IQCH: variants seen among roughly 807,000 people sequenced by gnomAD.
The protein encoded by IQCH is IQ motif containing H, also known as IQ domain-containing protein H.
A neutral mutation model predicts 117.0 loss-of-function variants in IQCH; 98 were observed. That is an observed-to-expected ratio of 0.84 (90% CI 0.71 to 0.99). The LOEUF is 0.99. Among genes scored for constraint, IQCH ranks in the 50% least tolerant of loss-of-function variants. IQCH has a pLI of 0.00. For missense variants in IQCH, 1,102 were observed against 1,243.8 expected (o/e 0.89, Z 1.72); for synonymous variants, 412 against 448.2 (o/e 0.92, Z 1.02).
chr15:67,404,321 CAT>C lies in IQCH; in HGVS notation c.2097+4018_2097+4019del, dbSNP rs983926732. 7.9e-5 allele frequency: 12 copies of C among 152,164 alleles called. No homozygotes were observed. Among genetic ancestry groups the C allele is most frequent in the African/African-American group, 2.9e-4 (12 of 41,450 alleles). The allele number at this position is 152,164 out of a possible 1,614,324, so 9.4% of individuals were successfully genotyped here. On this transcript the variant is annotated intron_variant, in intron 14 of 20. Coordinates refer to ENST00000335894, the MANE Select transcript of IQCH (RefSeq NM_001031715.3). The surrounding 1 kb of genome is among the most constrained non-coding windows in gnomAD (Gnocchi z 4.6). Reference sequence around the variant, plus strand: ...AAGAGAATCATTAACCATTTCATGCCATAGAGCTCCCTGCATCTCCACCTCCA... The same window carrying C: ...AAGAGAATCATTAACCATTTCATGCCAGAGCTCCCTGCATCTCCACCTCCA...
At position 67,288,173 on chromosome 15, in the gene IQCH, T is replaced by C. The variant is rs1966632311; in HGVS notation, c.387+8661T>C. Among the ~76,000 whole-genome samples, 4 of 152,100 alleles carry C rather than the reference T, an allele frequency of 2.6e-5. No individual in the cohort carries two copies. In the South Asian group the frequency reaches 8.3e-4, roughly 31 times the overall value. ...CTTTTTTGACCTAACATTTGGTCTG[T>C]CCTTGAGAATGATCCATGTGCTGAT... On this transcript the variant is annotated intron_variant, in intron 4 of 20. Transcript: ENST00000335894.
chr15:67,254,941 A>G lies in IQCH; in HGVS notation c.45A>G (p.Leu15=). 6.2e-7 allele frequency: 1 copy of G among 1,613,530 alleles called. No homozygotes were observed. Among genetic ancestry groups the G allele is most frequent in the Non-Finnish European group, 8.5e-7 (1 of 1,179,676 alleles). ...TENHDPVGSI[L]IQIHEDLYQL... is the part of the protein sequence containing the mutation. ...ACCACGACCCTGTCGGATCCATCTTAATCCAGGTGGGAAACGGGCTTCCCC... is the reference window on the plus strand; with the variant it reads ...ACCACGACCCTGTCGGATCCATCTTGATCCAGGTGGGAAACGGGCTTCCCC... Residue 15 remains leucine, a synonymous_variant, in exon 1 of 21, where the codon TTA becomes TTG. Transcript: ENST00000335894.
rs979035188 is a variant in IQCH at position 67,403,833 on chromosome 15, T to G, written c.2097+3528T>G. On this transcript the variant is annotated intron_variant, in intron 14 of 20. Coordinates refer to ENST00000335894, the MANE Select transcript of IQCH (RefSeq NM_001031715.3). The surrounding 1 kb of genome is among the most constrained non-coding windows in gnomAD (Gnocchi z 4.8). The stretch of plus-strand genomic sequence containing the variant: ...TTCCTTTCCTCAATTCCTGGGACAT[T>G]GGCTTAGTGGCAGTGATGCTACTGG... The G allele has an allele frequency of 2.6e-5, 4 of 152,236 alleles. No homozygotes were observed. The highest frequency in any genetic ancestry group is 9.7e-5 in the African/African-American group (4 of 41,444). The allele number at this position is 152,236 out of a possible 1,614,324, so 9.4% of individuals were successfully genotyped here. A position where few individuals can be genotyped will look rare whatever the true frequency, so the allele number is the denominator to read the frequency against.
At position 67,405,006 on chromosome 15, in the gene IQCH, TACC is replaced by T. The variant is rs1234018723; in HGVS notation, c.2097+4706_2097+4708del. Reference sequence around the variant, plus strand: ...AAGAATACTAGTTTTACCACAACCTTACCACCAATGGATATTATGAACTATTTG... The same window carrying T: ...AAGAATACTAGTTTTACCACAACCTTACCAATGGATATTATGAACTATTTG... On this transcript the variant is annotated intron_variant, in intron 14 of 20. Transcript: ENST00000335894. This position sits in a 1 kb window ranked among gnomAD's most constrained non-coding sequence, Gnocchi z 4.8. The T allele has an allele frequency of 2.6e-5, 4 of 152,238 alleles. No homozygotes were observed. Among genetic ancestry groups the T allele is most frequent in the Non-Finnish European group, 4.4e-5 (3 of 68,036 alleles). 9.4% of individuals were successfully genotyped at this position (152,238 alleles called of 1,614,324 possible).
intron 16 of IQCH, among the ~76,000 whole-genome samples, chr15:67,423,337 A>G (rs1206429493): frequency 6.6e-6 from 1 of 152,080 alleles, no homozygotes; most frequent in Non-Finnish European, 1.5e-5. Context: ...AGGCCGAAGC[A>G]GGCAGATCAC....
chr15:67,268,810 T>C (rs189932572), intron 3 of IQCH, among the ~76,000 whole-genome samples: 2 of 152,234 alleles, frequency 1.3e-5, no homozygotes, highest in East Asian at 3.9e-4. Flanking sequence ...GGAGAAAGCA[T>C]GCATAACAAG....
chr15:67,500,731 TA>T lies in IQCH; in HGVS notation c.3072del (p.Lys1024AsnfsTer28). On this transcript the variant is annotated frameshift_variant, in exon 21 of 21. Coordinates refer to ENST00000335894, the MANE Select transcript of IQCH (RefSeq NM_001031715.3). LOFTEE classifies it high-confidence loss of function. The surrounding 1 kb of genome is among the most constrained non-coding windows in gnomAD (Gnocchi z 4.4). ...AGTCCAAAGATGATAAAAACCTCTC[TA>T]AACCCAAGAAATGATCCTGGAATAC... ...QQSKDDKNLS[K>X]PKK The T allele has an allele frequency of 2.5e-6, 4 of 1,576,678 alleles. No individual in the cohort carries two copies. The highest frequency in any genetic ancestry group is 3.5e-6 in the Non-Finnish European group (4 of 1,151,822).
intron 4 of IQCH, chr15:67,306,717 T>A: frequency 3.8e-6 from 3 of 781,928 alleles, no homozygotes; most frequent in South Asian, 3.0e-5. Flanking sequence ...GACTCTGTTA[T>A]GTAAAATCAA....
At chr15:67,464,928 C>T (rs1285267942) in intron 16 of IQCH, among the ~76,000 whole-genome samples, 199 bp from the exon 17 acceptor site, 3 of 152,178 alleles carry the variant, frequency 2.0e-5, no homozygotes, top group African/African-American at 4.8e-5. Flanking sequence ...CCACAAGAAC[C>T]TTGAATCTTC....
intron 3 of IQCH, among the ~76,000 whole-genome samples, chr15:67,263,797 CTTG>C (rs1351940706): frequency 6.6e-6 from 1 of 152,042 alleles, no homozygotes. Context: ...ATAAAACTTG[CTTG>C]AAATATCTAT....
intron 1 of IQCH, chr15:67,255,243 A>C (rs1461921997): frequency 2.1e-6 from 1 of 480,120 alleles, no homozygotes; most frequent in South Asian, 2.8e-5. Flanking sequence ...CTGAGGCATC[A>C]TTTTTAAATG....
chr15:67,389,120 C>T, intron 12 of IQCH, 114 bp downstream of exon 12: 1 of 788,910 alleles, frequency 1.3e-6, no homozygotes, highest in Non-Finnish European at 2.0e-6. Flanking sequence ...GCAAGTTTAA[C>T]AGCTTTACTG....
At chr15:67,414,673 T>TA (rs1285359999) in intron 14 of IQCH, among the ~76,000 whole-genome samples, 1 of 148,342 alleles carries the variant, frequency 6.7e-6, no homozygotes, top group Non-Finnish European at 1.5e-5. Context: ...AATATATATA[T>TA]ATATAATATA....
intron 8 of IQCH, among the ~76,000 whole-genome samples, chr15:67,368,137 G>C (rs1970400592): frequency 6.6e-6 from 1 of 152,128 alleles, no homozygotes; most frequent in Non-Finnish European, 1.5e-5. Flanking sequence ...AGAGTATGTA[G>C]CAGATATTGG....
chr15:67,372,682 G>A lies in IQCH; in HGVS notation c.1305+20G>A. The A allele has an allele frequency of 1.3e-6, 2 of 1,565,144 alleles. No individual in the cohort carries two copies. The highest frequency in any genetic ancestry group is 1.2e-5 in the South Asian group (1 of 83,316). On this transcript the variant is annotated intron_variant, in intron 9 of 20. Coordinates refer to ENST00000335894, the MANE Select transcript of IQCH (RefSeq NM_001031715.3). ...GCCAAGGTGCACAAGGCTGCCAGCT[G>A]TTAAGGCAGACCTCTTTTTCTAAAC...
intron 4 of IQCH, among the ~76,000 whole-genome samples, chr15:67,297,898 C>T (rs1316071591): frequency 6.6e-6 from 1 of 151,936 alleles, no homozygotes; most frequent in Non-Finnish European, 1.5e-5. Context: ...AAGAGACAAC[C>T]CACAGAATGG....
chr15:67,366,638 T>C lies in IQCH; in HGVS notation c.754-5473T>C, dbSNP rs561339394. Among the ~76,000 whole-genome samples, 1 of 152,260 alleles carries C rather than the reference T, an allele frequency of 6.6e-6. No individual in the cohort carries two copies. The highest frequency in any genetic ancestry group is 1.9e-4 in the East Asian group (1 of 5,180). ...CTTTTATATATCTCTGCTCGATGAG[T>C]TCTGTTTTTGCCTTTTATTCTCTTT... On this transcript the variant is annotated intron_variant, in intron 8 of 20. Transcript: ENST00000335894. This position sits in a 1 kb window ranked among gnomAD's most constrained non-coding sequence, Gnocchi z 4.4.
In IQCH at chr15:67,453,657, G is replaced by A. The variant is rs2082588165; in HGVS notation, c.2506-11470G>A. The stretch of plus-strand genomic sequence containing the variant: ...CCTACTGGGGGGTGCCTCCCAGTTA[G>A]GCTACTCAGGGGTCAGGGACCCACT... On this transcript the variant is annotated intron_variant, in intron 16 of 20. Coordinates refer to ENST00000335894, the MANE Select transcript of IQCH (RefSeq NM_001031715.3). The surrounding 1 kb of genome is among the most constrained non-coding windows in gnomAD (Gnocchi z 5.8). Among the ~76,000 whole-genome samples, 3 of 152,308 alleles carry A rather than the reference G, an allele frequency of 2.0e-5. No homozygotes were observed. The highest frequency in any genetic ancestry group is 4.1e-4 in the South Asian group (2 of 4,828).
intron 10 of IQCH, among the ~76,000 whole-genome samples, chr15:67,375,972 A>G (rs181917898): frequency 2.2e-4 from 34 of 152,048 alleles, no homozygotes; most frequent in African/African-American, 5.8e-4. Flanking sequence ...TTTTCAGTAG[A>G]GACGGGGTTT....
Sources: allele counts gnomAD v4.1 joint callset (sites outside exome capture counted in the v4.1 genomes callset), GRCh38; gene constraint gnomAD v4.1.1; non-coding constraint Gnocchi (gnomAD v3.1); transcripts MANE v1.5; gene names NCBI Gene and HGNC (gene_info 2026-07-23, HGNC 2026-07-21).